The following UVRAG variants were observed in gnomAD, a reference collection of about 807,000 sequenced individuals.
The protein encoded by UVRAG is UV radiation resistance-associated gene protein.
A neutral mutation model predicts 78.0 loss-of-function variants in UVRAG; 19 were observed. The ratio of observed to expected loss-of-function variants is 0.24; its 90% confidence interval spans 0.17 to 0.36. The LOEUF is 0.36. UVRAG is among the 10% of genes least tolerant of loss of function. UVRAG has a pLI of 1.00. For missense variants in UVRAG, 740 were observed against 853.8 expected, an observed-to-expected ratio of 0.87 and a Z score of 1.66; for synonymous variants, 323 against 324.6, an observed-to-expected ratio of 1.00 and a Z score of 0.05.
At chr11:75,925,798 T>A (rs909080965) in intron 6 of UVRAG, among the ~76,000 whole-genome samples, 3 of 152,336 alleles carry the variant, frequency 2.0e-5, no homozygotes, top group Admixed American at 2.0e-4. Context: ...TACATCTTTT[T>A]ATTGTGTTCA....
At chr11:76,126,454 G>C (rs1952397051) in intron 14 of UVRAG, among the ~76,000 whole-genome samples, 1 of 152,082 alleles carries the variant, frequency 6.6e-6, no homozygotes, top group African/African-American at 2.4e-5. Context: ...TCTCAAGTCA[G>C]ACTAACCACA....
chr11:76,008,161 C>T (rs1005802203), intron 10 of UVRAG, among the ~76,000 whole-genome samples: 2 of 152,142 alleles, frequency 1.3e-5, no homozygotes, highest in African/African-American at 4.8e-5. Flanking sequence ...CCACCCACCT[C>T]AGCCTCCCAA....
intron 1 of UVRAG, among the ~76,000 whole-genome samples, chr11:75,843,411 C>CCTTACAGTATAAAA (rs1463658876): frequency 2.0e-5 from 3 of 152,168 alleles, no homozygotes; most frequent in African/African-American, 7.2e-5. Flanking sequence ...CCTTAATAAA[C>CCTTACAGTATAAAA]CTTACAGTAT....
intron 5 of UVRAG, among the ~76,000 whole-genome samples, chr11:75,897,776 G>A (rs1334540368): frequency 2.6e-5 from 4 of 151,392 alleles, no homozygotes; most frequent in African/African-American, 9.7e-5. Flanking sequence ...TGCCCACCTC[G>A]GCTTCCCAAA....
intron 7 of UVRAG, among the ~76,000 whole-genome samples, chr11:75,964,531 TTC>T (rs1308181267): frequency 6.6e-6 from 1 of 152,258 alleles, no homozygotes; most frequent in Non-Finnish European, 1.5e-5. Flanking sequence ...ATGTAGTATT[TTC>T]TCTTTTTGTT....
At chr11:75,900,430 T>C (rs1947466638) in intron 5 of UVRAG, among the ~76,000 whole-genome samples, 1 of 152,174 alleles carries the variant, frequency 6.6e-6, no homozygotes, top group African/African-American at 2.4e-5. Flanking sequence ...ACTGTTGCCT[T>C]CTCTTCTTTC....
intron 12 of UVRAG, among the ~76,000 whole-genome samples, chr11:76,019,224 A>G (rs185931536): frequency 3.3e-5 from 5 of 152,366 alleles, no homozygotes; most frequent in African/African-American, 1.2e-4. Context: ...TTTATCTGAT[A>G]GAAGTCTGAA....
At chr11:75,936,686 C>T (rs1948379434) in intron 6 of UVRAG, among the ~76,000 whole-genome samples, 1 of 152,086 alleles carries the variant, frequency 6.6e-6, no homozygotes, top group South Asian at 2.1e-4. Context: ...CCCTTTGCCC[C>T]TGGATTAGAA....
intron 6 of UVRAG, among the ~76,000 whole-genome samples, chr11:75,956,050 T>A (rs534145262): frequency 2.6e-5 from 4 of 152,310 alleles, no homozygotes; most frequent in African/African-American, 9.6e-5. Flanking sequence ...GACTTTTCTG[T>A]TTCTGGCTTT....
intron 7 of UVRAG, among the ~76,000 whole-genome samples, chr11:75,973,344 T>A (rs1206589444): frequency 3.3e-5 from 5 of 152,224 alleles, no homozygotes; most frequent in Non-Finnish European, 7.3e-5. Flanking sequence ...ATGAATTACA[T>A]TAACTGCTCT....
chr11:76,000,335 G>C (rs1255801139), intron 8 of UVRAG, among the ~76,000 whole-genome samples: 1 of 152,188 alleles, frequency 6.6e-6, no homozygotes, highest in East Asian at 1.9e-4. Flanking sequence ...AGGTGTGGTG[G>C]CTCACATGTG....
At chr11:75,970,652 G>A (rs1157716088) in intron 7 of UVRAG, among the ~76,000 whole-genome samples, 1 of 149,978 alleles carries the variant, frequency 6.7e-6, no homozygotes, top group East Asian at 2.0e-4. Flanking sequence ...AGAATGGTGT[G>A]AACCCGGGAG....
intron 5 of UVRAG, among the ~76,000 whole-genome samples, chr11:75,889,936 A>C (rs151197116): frequency 6.6e-6 from 1 of 152,296 alleles, no homozygotes; most frequent in East Asian, 1.9e-4. Flanking sequence ...TTAAAGCTAC[A>C]CTCCAGATGA....
At chr11:76,117,877 A>G (rs975971501) in intron 14 of UVRAG, among the ~76,000 whole-genome samples, 4 of 152,234 alleles carry the variant, frequency 2.6e-5, no homozygotes, top group African/African-American at 9.6e-5. Flanking sequence ...TCCTAAAGCC[A>G]TGTTCCTTCA....
intron 6 of UVRAG, among the ~76,000 whole-genome samples, chr11:75,945,230 T>A (rs1440513445): frequency 6.6e-6 from 1 of 152,046 alleles, no homozygotes; most frequent in Non-Finnish European, 1.5e-5. Flanking sequence ...AAGAGAAGGG[T>A]GAGATGTGCC....
chr11:76,061,098 G>GT (rs1196407209), intron 12 of UVRAG, among the ~76,000 whole-genome samples: 3 of 152,208 alleles, frequency 2.0e-5, no homozygotes, highest in African/African-American at 7.2e-5. Context: ...TCGGCACTCT[G>GT]TATCTAGCTC....
chr11:75,888,359 G>T (rs962255532), intron 4 of UVRAG, among the ~76,000 whole-genome samples: 4 of 152,144 alleles, frequency 2.6e-5, no homozygotes, highest in East Asian at 1.9e-4. Flanking sequence ...GCCCAGGCTG[G>T]TCTTGAACTC....
At chr11:75,903,329 GC>G (rs1328301342) in intron 5 of UVRAG, among the ~76,000 whole-genome samples, 1 of 152,094 alleles carries the variant, frequency 6.6e-6, no homozygotes. Flanking sequence ...AGTTCTTACT[GC>G]CCATAGGTTG....
intron 5 of UVRAG, among the ~76,000 whole-genome samples, chr11:75,901,387 T>C (rs1332715615): frequency 6.6e-6 from 1 of 152,192 alleles, no homozygotes; most frequent in African/African-American, 2.4e-5. Flanking sequence ...CAAGTCCTGC[T>C]GGGGAGAGAT....
Sources: allele counts gnomAD v4.1 joint callset (sites outside exome capture counted in the v4.1 genomes callset), GRCh38; gene constraint gnomAD v4.1.1; transcripts MANE v1.5; gene names NCBI Gene and HGNC (gene_info 2026-07-23, HGNC 2026-07-21).